Variants in PAPPA observed in about 807,000 individuals in gnomAD.
PAPPA encodes pappalysin 1.
Under a neutral mutation model 164.0 loss-of-function variants are expected in PAPPA, and 60 were observed. The ratio of observed to expected loss-of-function variants is 0.37; its 90% confidence interval spans 0.30 to 0.45. The LOEUF (loss-of-function observed/expected upper bound fraction) is 0.45, where lower values mean the gene tolerates loss of function less well. PAPPA is among the 20% of genes least tolerant of loss of function. The pLI, the probability that PAPPA is intolerant of heterozygous loss-of-function variation, is 1.00. For synonymous variants in PAPPA, 875 were observed against 814.1 expected, an observed-to-expected ratio of 1.07 and a Z score of -1.27; for missense variants, 1,782 against 2,087.3, an observed-to-expected ratio of 0.85 and a Z score of 2.85.
chr9:116,338,762 C>A (rs200472132), intron 13 of PAPPA, among the ~76,000 whole-genome samples: 2 of 152,204 alleles, frequency 1.3e-5, no homozygotes, highest in African/African-American at 4.8e-5. Context: ...TGACTCTTCT[C>A]CAAAATATTG....
intron 9 of PAPPA, among the ~76,000 whole-genome samples, chr9:116,272,932 TCTTAA>T (rs1845154564): frequency 6.6e-6 from 1 of 152,202 alleles, no homozygotes; most frequent in Admixed American, 6.5e-5. Flanking sequence ...TGGTCCTAAC[TCTTAA>T]CTTAAGAGCC....
Position 116,314,233 on chromosome 9 carries a change from A to G in PAPPA, c.3147+11283A>G, listed in dbSNP as rs186807472. Among the ~76,000 whole-genome samples the G allele has an allele frequency of 1.9e-3, 290 of 150,988 alleles. 1 individual carries two copies. Among genetic ancestry groups the G allele is most frequent in the Admixed American group, 3.8e-3 (57 of 15,144 alleles). ...CTACAGGCACACACCACCACATCCA[A>G]CTAATTTTTGTATTTTTAGTAGAGA... On this transcript the variant is annotated intron_variant, in intron 10 of 21. Coordinates refer to ENST00000328252, the MANE Select transcript of PAPPA (RefSeq NM_002581.5).
chr9:116,216,786 G>T (rs902441664), intron 4 of PAPPA, among the ~76,000 whole-genome samples: 1 of 152,030 alleles, frequency 6.6e-6, no homozygotes, highest in Non-Finnish European at 1.5e-5. Context: ...CTGTCGCCCA[G>T]GCTGGAGTGC....
intron 4 of PAPPA, 138 bp downstream of exon 4, chr9:116,212,070 G>A (rs1443882003): frequency 1.4e-6 from 1 of 720,850 alleles, no homozygotes; most frequent in Non-Finnish European, 2.3e-6. Context: ...TCCACCTAAT[G>A]TCTTTCGGTC....
At chr9:116,157,269 C>G (rs1330149331) in intron 1 of PAPPA, among the ~76,000 whole-genome samples, 1 of 152,192 alleles carries the variant, frequency 6.6e-6, no homozygotes, top group Non-Finnish European at 1.5e-5. Flanking sequence ...CCGGTTCAAA[C>G]TTCACTGACA....
At chr9:116,320,006 C>T (rs962760055) in intron 10 of PAPPA, among the ~76,000 whole-genome samples, 4 of 152,210 alleles carry the variant, frequency 2.6e-5, no homozygotes, top group African/African-American at 9.7e-5. Flanking sequence ...CCCCAGAAAT[C>T]CTGAACCTGT....
At position 116,368,126 on chromosome 9, in the gene PAPPA, A is replaced by G. The variant is rs574153705; in HGVS notation, c.4605+372A>G. ...CTGTCTGGCTGGAAAGTCCATACTC[A>G]TAAGGATGGTGTTGTATGGCTTCTC... is the stretch of plus-strand genomic sequence containing the variant. On this transcript the variant is annotated intron_variant, in intron 19 of 21. Coordinates refer to ENST00000328252, the MANE Select transcript of PAPPA (RefSeq NM_002581.5). Among the ~76,000 whole-genome samples, 34 of 152,300 alleles carry G rather than the reference A, an allele frequency of 2.2e-4. 1 individual carries two copies. The highest frequency in any genetic ancestry group is 2.0e-3 in the Admixed American group (31 of 15,298).
chr9:116,232,758 T>A (rs779690927), intron 6 of PAPPA, among the ~76,000 whole-genome samples: 5 of 152,198 alleles, frequency 3.3e-5, no homozygotes, highest in Non-Finnish European at 7.3e-5. Context: ...CTTTTTTACA[T>A]CTAAGGGTTT....
intron 2 of PAPPA, among the ~76,000 whole-genome samples, chr9:116,205,262 C>T (rs756200652): frequency 6.6e-6 from 1 of 152,110 alleles, no homozygotes; most frequent in Non-Finnish European, 1.5e-5. Flanking sequence ...ATGAATACCA[C>T]TTCTTGAAAA....
intron 8 of PAPPA, among the ~76,000 whole-genome samples, chr9:116,267,738 G>T (rs1045787775): frequency 1.3e-5 from 2 of 151,782 alleles, no homozygotes; most frequent in Non-Finnish European, 2.9e-5. Flanking sequence ...AGCCGGGCGC[G>T]GTGGCGGGCG....
chr9:116,334,578 G>C (rs568417438), intron 12 of PAPPA, among the ~76,000 whole-genome samples: 2 of 152,234 alleles, frequency 1.3e-5, no homozygotes, highest in South Asian at 4.2e-4. Flanking sequence ...GGGATGCTTG[G>C]CTGAGGGGTG....
intron 20 of PAPPA, among the ~76,000 whole-genome samples, chr9:116,378,320 T>C (rs1846681742): frequency 6.6e-6 from 1 of 152,184 alleles, no homozygotes; most frequent in South Asian, 2.1e-4. Context: ...GGAGATCAGC[T>C]GTGTCCTGAA....
At chr9:116,315,017 G>A (rs564996008) in intron 10 of PAPPA, among the ~76,000 whole-genome samples, 85 of 152,308 alleles carry the variant, frequency 5.6e-4, no homozygotes, top group African/African-American at 1.9e-3. Flanking sequence ...AGGACCTGCT[G>A]TGTGGACAAT....
chr9:116,268,906 C>T (rs533006465), intron 8 of PAPPA, among the ~76,000 whole-genome samples: 3 of 151,916 alleles, frequency 2.0e-5, no homozygotes, highest in East Asian at 1.9e-4. Flanking sequence ...TTAGCTAATA[C>T]GATTTTTCAT....
intron 7 of PAPPA, among the ~76,000 whole-genome samples, chr9:116,247,387 C>T (rs1326044381): frequency 6.6e-6 from 1 of 152,146 alleles, no homozygotes; most frequent in Non-Finnish European, 1.5e-5. Flanking sequence ...TCTATTCTGA[C>T]ATTGTTTGAA....
At chr9:116,299,724 G>C (rs903569311) in intron 9 of PAPPA, among the ~76,000 whole-genome samples, 10 of 152,088 alleles carry the variant, frequency 6.6e-5, no homozygotes, top group Admixed American at 5.2e-4. Flanking sequence ...TCTACTTCTT[G>C]CTCTGCTACC....
At chr9:116,312,829 A>C (rs926590748) in intron 10 of PAPPA, among the ~76,000 whole-genome samples, 4 of 152,004 alleles carry the variant, frequency 2.6e-5, no homozygotes, top group Non-Finnish European at 5.9e-5. Flanking sequence ...CACGCCTGTA[A>C]TCCCAGCACT....
intron 14 of PAPPA, among the ~76,000 whole-genome samples, 177 bp downstream of exon 14, chr9:116,344,888 G>A (rs1218038280): frequency 6.6e-6 from 1 of 152,166 alleles, no homozygotes; most frequent in Admixed American, 6.5e-5. Context: ...AACCAAGCAA[G>A]CAGTCTGGAA....
chr9:116,300,138 A>C (rs1845561343), intron 9 of PAPPA, among the ~76,000 whole-genome samples: 2 of 152,148 alleles, frequency 1.3e-5, no homozygotes, highest in Non-Finnish European at 2.9e-5. Flanking sequence ...GGAGCTACTG[A>C]GAAGTACTGA....
Sources: allele counts gnomAD v4.1 joint callset (sites outside exome capture counted in the v4.1 genomes callset), GRCh38; gene constraint gnomAD v4.1.1; transcripts MANE v1.5; gene names NCBI Gene and HGNC (gene_info 2026-07-23, HGNC 2026-07-21).